ADGRL3: variants seen among roughly 807,000 people sequenced by gnomAD.
ADGRL3 encodes adhesion G protein-coupled receptor L3, also known as calcium-independent alpha-latrotoxin receptor 3.
Under a neutral mutation model 153.5 loss-of-function variants are expected in ADGRL3, and 62 were observed. That is an observed-to-expected ratio of 0.40 (90% confidence interval 0.33 to 0.50). The LOEUF (loss-of-function observed/expected upper bound fraction) is 0.50. Among genes scored for constraint, ADGRL3 ranks in the 20% least tolerant of loss-of-function variants. ADGRL3 has a pLI of 0.47. For missense variants in ADGRL3, 1,641 were observed against 1,859.4 expected (o/e 0.88, Z 2.16); for synonymous variants, 710 against 672.5 (o/e 1.06, Z -0.86).
chr4:61,857,526 C>G (rs922248804), intron 9 of ADGRL3, among the ~76,000 whole-genome samples: 1 of 151,636 alleles, frequency 6.6e-6, no homozygotes, highest in East Asian at 1.9e-4. Context: ...AAAACAGCCT[C>G]GAAGAGTGAT....
At chr4:61,788,875 T>A (rs933691218) in intron 8 of ADGRL3, among the ~76,000 whole-genome samples, 1 of 152,204 alleles carries the variant, frequency 6.6e-6, no homozygotes, top group African/African-American at 2.4e-5. Flanking sequence ...ATATGGGCAA[T>A]TGATTTCCAA....
At chr4:61,976,348 G>T (rs2150750998) in intron 17 of ADGRL3, among the ~76,000 whole-genome samples, 1 of 152,160 alleles carries the variant, frequency 6.6e-6, no homozygotes, top group African/African-American at 2.4e-5. Context: ...CTTCCTAGAA[G>T]TTCTATTATG....
At chr4:61,601,458 CA>C (rs1284413109) in intron 5 of ADGRL3, among the ~76,000 whole-genome samples, 1 of 152,148 alleles carries the variant, frequency 6.6e-6, no homozygotes, top group East Asian at 1.9e-4. Context: ...GAGCTCTACT[CA>C]ATGAATTCAA....
intron 10 of ADGRL3, among the ~76,000 whole-genome samples, 161 bp downstream of exon 10, chr4:61,893,119 CTCTCTT>C (rs1397486564): frequency 9.1e-5 from 13 of 142,454 alleles, no homozygotes; most frequent in East Asian, 6.8e-4. Flanking sequence ...TTCTTTCTTT[CTCTCTT>C]TCTCTCTTTC....
chr4:61,730,372 C>A (rs1205172403), intron 6 of ADGRL3, among the ~76,000 whole-genome samples: 1 of 151,668 alleles, frequency 6.6e-6, no homozygotes, highest in Non-Finnish European at 1.5e-5. Flanking sequence ...TTTATTTAAT[C>A]ATAGTTTGAT....
intron 3 of ADGRL3, among the ~76,000 whole-genome samples, chr4:61,508,707 G>A (rs1237776674): frequency 5.3e-5 from 8 of 152,070 alleles, no homozygotes; most frequent in Non-Finnish European, 1.5e-5. Flanking sequence ...CTACCCAATA[G>A]GTAGTTTTCC....
intron 8 of ADGRL3, among the ~76,000 whole-genome samples, chr4:61,800,131 G>T (rs1037986202): frequency 1.3e-5 from 2 of 152,088 alleles, no homozygotes; most frequent in Non-Finnish European, 2.9e-5. Flanking sequence ...AATTTACTTG[G>T]CTCAGCCTTG....
chr4:61,365,458 C>T (rs2096378109), intron 1 of ADGRL3, among the ~76,000 whole-genome samples: 1 of 152,148 alleles, frequency 6.6e-6, no homozygotes, highest in South Asian at 2.1e-4. Flanking sequence ...AGAATTAGAT[C>T]ATTCATATAT....
chr4:61,933,722 T>C (rs770810042), intron 13 of ADGRL3: 5 of 152,074 alleles, frequency 3.3e-5, no homozygotes, highest in Non-Finnish European at 5.9e-5. Context: ...TTTTTAACAG[T>C]TGTTACTTGG....
At chr4:61,348,951 A>C (rs903876936) in intron 1 of ADGRL3, among the ~76,000 whole-genome samples, 1 of 152,018 alleles carries the variant, frequency 6.6e-6, no homozygotes, top group African/African-American at 2.4e-5. Flanking sequence ...TAAACAGTTA[A>C]AACTATTATT....
chr4:61,876,912 A>G (rs1204042008), intron 9 of ADGRL3, among the ~76,000 whole-genome samples: 119 of 140,884 alleles, frequency 8.4e-4, no homozygotes, highest in African/African-American at 2.9e-3. Context: ...TCACTTTAAA[A>G]AAAAAAAAAA....
At position 61,411,413 on chromosome 4, in the gene ADGRL3, T is replaced by C. The variant is rs570595926; in HGVS notation, c.-174+28224T>C. On this transcript the variant is annotated intron_variant, in intron 2 of 26. Transcript: ENST00000683033. ...ATGTAATATTCTTTTCAGTGCATCA[T>C]ATCAGGAGGCAAGTGATGTCAGCAA... Among the ~76,000 whole-genome samples the C allele has an allele frequency of 4.5e-4, 69 of 152,318 alleles. 1 individual carries two copies. Among genetic ancestry groups the C allele is most frequent in the African/African-American group, 1.6e-3 (68 of 41,576 alleles).
At chr4:61,532,293 GA>G (rs1361606594) in intron 4 of ADGRL3, among the ~76,000 whole-genome samples, 2 of 152,078 alleles carry the variant, frequency 1.3e-5, no homozygotes, top group Non-Finnish European at 2.9e-5. Context: ...CTTGGAGTGG[GA>G]AAAAACTTTA....
chr4:62,043,835 C>A (rs1019172036), intron 24 of ADGRL3, among the ~76,000 whole-genome samples: 34 of 152,082 alleles, frequency 2.2e-4, no homozygotes, highest in African/African-American at 7.9e-4. Flanking sequence ...ACCTGTAAAA[C>A]TTCCTATGGA....
rs1197806772 is a variant in ADGRL3 at position 61,517,171 on chromosome 4, G to T, written c.56-144G>T. 4 of 606,928 alleles carry T rather than the reference G, an allele frequency of 6.6e-6. No individual in the cohort carries two copies. The East Asian group carries it at 1.1e-4, about 17-fold the overall frequency. The allele number at this position is 606,928 out of a possible 1,614,324, so 37.6% of individuals were successfully genotyped here. A position where few individuals can be genotyped will look rare whatever the true frequency, so the allele number is the denominator to read the frequency against. The stretch of plus-strand genomic sequence containing the variant: ...ATGTAATCCTCTCAGCTGTAGGGTT[G>T]TCTGAGTAGGGCCTGGGGTGGCTGG... On this transcript the variant is annotated intron_variant, in intron 3 of 26. Transcript: ENST00000683033.
chr4:61,611,545 G>C (rs2149688558), intron 5 of ADGRL3, among the ~76,000 whole-genome samples: 1 of 152,188 alleles, frequency 6.6e-6, no homozygotes, highest in Non-Finnish European at 1.5e-5. Context: ...TTCTCCCTGG[G>C]AGAACAGAAA....
intron 4 of ADGRL3, among the ~76,000 whole-genome samples, chr4:61,564,551 G>A (rs1219402341): frequency 6.6e-6 from 1 of 152,174 alleles, no homozygotes; most frequent in Non-Finnish European, 1.5e-5. Context: ...GGAATTATAG[G>A]CTTGAGCCAG....
intron 8 of ADGRL3, among the ~76,000 whole-genome samples, chr4:61,761,644 AT>A (rs1352242693): frequency 6.6e-6 from 1 of 152,162 alleles, no homozygotes; most frequent in African/African-American, 2.4e-5. Context: ...AAATTTTAAA[AT>A]TTAGCCAGGC....
At chr4:62,043,678 T>C (rs1729586954) in intron 24 of ADGRL3, among the ~76,000 whole-genome samples, 1 of 152,080 alleles carries the variant, frequency 6.6e-6, no homozygotes, top group South Asian at 2.1e-4. Context: ...CCTCACAAGA[T>C]TGTTAATACT....
Sources: gnomAD v4.1 joint callset for allele counts (sites outside exome capture counted in the v4.1 genomes callset) on GRCh38, gnomAD v4.1.1 for gene constraint, MANE v1.5 for transcripts, NCBI Gene and HGNC (gene_info 2026-07-23, HGNC 2026-07-21) for gene names.